ADAMTSL1: variants seen among roughly 807,000 people sequenced by gnomAD.
The protein encoded by ADAMTSL1 is ADAMTS like 1, also known as ADAMTS-like protein 1.
A neutral mutation model predicts 201.8 loss-of-function variants in ADAMTSL1; 126 were observed. The ratio of observed to expected loss-of-function variants is 0.62; its 90% confidence interval spans 0.54 to 0.72. The LOEUF is 0.72. ADAMTSL1 is among the 30% of genes least tolerant of loss of function. The probability of loss-of-function intolerance (pLI) is 0.00; values close to 1 mark genes in which losing one functional copy is unlikely to be tolerated. For missense variants in ADAMTSL1, 2,679 were observed against 2,277.8 expected, an observed-to-expected ratio of 1.18 and a Z score of -3.59; for synonymous variants, 1,121 against 903.4, an observed-to-expected ratio of 1.24 and a Z score of -4.32.
intron 15 of ADAMTSL1, among the ~76,000 whole-genome samples, chr9:18,736,160 C>G (rs1051853167): frequency 2.0e-5 from 3 of 152,088 alleles, no homozygotes; most frequent in African/African-American, 7.2e-5. Context: ...TGCCAAAATT[C>G]TAATATGAAG....
chr9:18,830,073 G>C, intron 23 of ADAMTSL1, 96 bp downstream of exon 23: 2 of 1,469,538 alleles, frequency 1.4e-6, no homozygotes, highest in South Asian at 1.3e-5. Flanking sequence ...GGCAGCAGTC[G>C]GGGGTGGCCA....
At chr9:18,356,620 C>CACAT (rs1836251280) in intron 2 of ADAMTSL1, among the ~76,000 whole-genome samples, 1 of 150,268 alleles carries the variant, frequency 6.7e-6, no homozygotes. Context: ...CACACACACA[C>CACAT]ACACACACAC....
At chr9:18,177,037 C>A (rs904216916) in intron 2 of ADAMTSL1, among the ~76,000 whole-genome samples, 3 of 152,184 alleles carry the variant, frequency 2.0e-5, no homozygotes, top group African/African-American at 7.2e-5. Flanking sequence ...GCTTTGCACC[C>A]TCAATTGCCT....
intron 1 of ADAMTSL1, among the ~76,000 whole-genome samples, chr9:18,094,176 T>C (rs1001866131): frequency 6.6e-6 from 1 of 152,202 alleles, no homozygotes; most frequent in Non-Finnish European, 1.5e-5. Context: ...CACCATGATG[T>C]AAAATTTTAA....
In ADAMTSL1 at chr9:18,268,165, G is replaced by T. The variant is rs143856261; in HGVS notation, c.207+104184G>T. Among the ~76,000 whole-genome samples the T allele has an allele frequency of 8.7e-3, 1,327 of 152,226 alleles. 13 individuals are homozygous for T. The highest frequency in any genetic ancestry group is 0.031 in the African/African-American group (1,271 of 41,526). ...TATATGTTTAGAATGCAATTTATTA[G>T]ATACTTTAAGTCACTGTGTTTATTC... On this transcript the variant is annotated intron_variant, in intron 2 of 29. Coordinates refer to the ADAMTSL1 transcript ENST00000680146.
intron 4 of ADAMTSL1, among the ~76,000 whole-genome samples, chr9:18,614,954 A>C (rs1486515662): frequency 6.6e-6 from 1 of 152,122 alleles, no homozygotes. Flanking sequence ...GCATGTATTA[A>C]GTAATAATTT....
At chr9:18,323,854 G>C (rs112433665) in intron 2 of ADAMTSL1, among the ~76,000 whole-genome samples, 1 of 152,162 alleles carries the variant, frequency 6.6e-6, no homozygotes, top group Non-Finnish European at 1.5e-5. Context: ...GGAAAGATAT[G>C]CCATGTACGT....
chr9:18,898,087 G>T lies in ADAMTSL1; in HGVS notation c.4851+5491G>T, dbSNP rs527476293. 3.9e-5 allele frequency among the ~76,000 whole-genome samples: 6 copies of T among 152,182 alleles called. No homozygotes were observed. The South Asian group carries it at 1.2e-3, about 32-fold the overall frequency. ...ACCTGTAGCCCCAACTACTCGGGAG[G>T]CTGAGGCAGGAGAATCACTTGAACC... On this transcript the variant is annotated intron_variant, in intron 26 of 28. Transcript: ENST00000380548.
At chr9:18,604,694 T>C (rs940034203) in intron 4 of ADAMTSL1, among the ~76,000 whole-genome samples, 1 of 152,216 alleles carries the variant, frequency 6.6e-6, no homozygotes, top group Admixed American at 6.5e-5. Context: ...CTTTTGGCTA[T>C]TGTGAATTAT....
intron 2 of ADAMTSL1, among the ~76,000 whole-genome samples, chr9:18,197,312 C>T (rs1829223723): frequency 6.6e-6 from 1 of 152,024 alleles, no homozygotes; most frequent in South Asian, 2.1e-4. Flanking sequence ...AACCCATGAG[C>T]ATGGAATGTT....
At chr9:18,859,813 T>C (rs1402423809) in intron 23 of ADAMTSL1, among the ~76,000 whole-genome samples, 1 of 152,186 alleles carries the variant, frequency 6.6e-6, no homozygotes, top group East Asian at 1.9e-4. Context: ...AGATTCTTTT[T>C]TTTGCTTCAT....
intron 2 of ADAMTSL1, among the ~76,000 whole-genome samples, chr9:18,525,117 G>T (rs1032388969): frequency 5.9e-5 from 9 of 152,134 alleles, no homozygotes; most frequent in African/African-American, 2.2e-4. Context: ...CTCAATTTCA[G>T]AGCCTGTTAT....
At chr9:18,661,133 T>C (rs984161085) in intron 8 of ADAMTSL1, among the ~76,000 whole-genome samples, 1 of 151,964 alleles carries the variant, frequency 6.6e-6, no homozygotes, top group Non-Finnish European at 1.5e-5. Flanking sequence ...CACAGGACAA[T>C]AAAAAGGCAG....
At chr9:18,658,354 C>T (rs770600768) in intron 8 of ADAMTSL1, among the ~76,000 whole-genome samples, 8 of 152,192 alleles carry the variant, frequency 5.3e-5, no homozygotes, top group African/African-American at 9.7e-5. Context: ...CAGTTTGGTC[C>T]TGAAGCAGGC....
intron 13 of ADAMTSL1, among the ~76,000 whole-genome samples, chr9:18,692,161 C>T (rs2133248256): frequency 6.6e-6 from 1 of 152,146 alleles, no homozygotes; most frequent in East Asian, 1.9e-4. Flanking sequence ...TTTAATTTAG[C>T]CCAGAGTTTA....
chr9:18,815,400 T>C (rs777850786), intron 20 of ADAMTSL1, among the ~76,000 whole-genome samples: 50 of 149,372 alleles, frequency 3.3e-4, no homozygotes, highest in Non-Finnish European at 5.9e-4. Context: ...AGAAAAAGAA[T>C]GAGGACAGGC....
chr9:18,282,830 G>C (rs1366179551), intron 2 of ADAMTSL1, among the ~76,000 whole-genome samples: 1 of 152,212 alleles, frequency 6.6e-6, no homozygotes, highest in Non-Finnish European at 1.5e-5. Context: ...CCGGGAGACA[G>C]AGTTTGCAGT....
chr9:18,406,182 A>C (rs1446194129), intron 2 of ADAMTSL1, among the ~76,000 whole-genome samples: 1 of 152,214 alleles, frequency 6.6e-6, no homozygotes, highest in Non-Finnish European at 1.5e-5. Context: ...TGCTGAATGC[A>C]TGAGGGAGGA....
intron 1 of ADAMTSL1, among the ~76,000 whole-genome samples, chr9:18,059,828 T>G (rs149382697): frequency 7.9e-5 from 12 of 152,310 alleles, no homozygotes; most frequent in African/African-American, 2.9e-4. Flanking sequence ...ATTTGGCTTT[T>G]TTTTAAGGCT....
Sources: allele counts gnomAD v4.1 joint callset (sites outside exome capture counted in the v4.1 genomes callset), GRCh38; gene constraint gnomAD v4.1.1; transcripts MANE v1.5; gene names NCBI Gene and HGNC (gene_info 2026-07-23, HGNC 2026-07-21).